SPINT4: variants seen among roughly 807,000 people sequenced by gnomAD.
The protein encoded by SPINT4 is kunitz-type protease inhibitor 4.
SPINT4 carries 7 observed loss-of-function variants against 9.4 expected under a neutral mutation model. The ratio of observed to expected loss-of-function variants is 0.74; its 90% CI spans 0.42 to 1.40. SPINT4 has a LOEUF of 1.40. Ranked by LOEUF, SPINT4 falls within the 40% of genes most tolerant of loss-of-function variation. The probability of loss-of-function intolerance (pLI) is 0.01; values close to 1 mark genes in which losing one functional copy is unlikely to be tolerated. For synonymous variants in SPINT4, 36 were observed against 39.9 expected (o/e 0.90, Z 0.37); for missense variants, 105 against 114.4 (o/e 0.92, Z 0.37).
At chr20:45,723,731 A>G in intron 1 of SPINT4, 149 bp from the exon 2 acceptor site, 1 of 658,832 alleles carries the variant, frequency 1.5e-6, no homozygotes, top group South Asian at 2.5e-5. Context: ...AAGCAACTCT[A>G]ACTCCAAGAG....
intron 1 of SPINT4, among the ~76,000 whole-genome samples, chr20:45,723,061 G>A (rs1984839798): frequency 6.6e-6 from 1 of 152,022 alleles, no homozygotes; most frequent in Non-Finnish European, 1.5e-5. Flanking sequence ...ATGTGCCCTT[G>A]GACAAGTCAC....
intron 2 of SPINT4, among the ~76,000 whole-genome samples, chr20:45,724,512 TAAAAA>T (rs58689567): frequency 0.14 from 15,894 of 114,334 alleles, 1,112 homozygotes; most frequent in African/African-American, 0.21. Context: ...AAACTCCATC[TAAAAA>T]AAAAAAAAAA....
Position 45,722,516 on chromosome 20 carries a change from T to C in SPINT4, c.115+34T>C, listed in dbSNP as rs11908541. On this transcript the variant is annotated intron_variant, in intron 1 of 2. Coordinates refer to ENST00000279058, the MANE Select transcript of SPINT4 (RefSeq NM_178455.3). Reference sequence around the variant, plus strand: ...CTAAGGCAGAAAATAAATCCAAAGGTCAATTATGAATGAGAGAGAAGGTAT... The same window carrying C: ...CTAAGGCAGAAAATAAATCCAAAGGCCAATTATGAATGAGAGAGAAGGTAT... The C allele has an allele frequency of 4.3e-4, 637 of 1,465,748 alleles. 2 individuals are homozygous for C. The African/African-American group carries it at 7.9e-3, about 18-fold the overall frequency. The allele number at this position is 1,465,748 out of a possible 1,614,324, so 90.8% of individuals were successfully genotyped here.
chr20:45,724,042 CAAAA>C lies in SPINT4; in HGVS notation c.279_282del (p.Lys94ThrfsTer9). 1 of 1,607,344 alleles carries C rather than the reference CAAAA, an allele frequency of 6.2e-7. No individual in the cohort carries two copies. Among genetic ancestry groups the C allele is most frequent in the East Asian group, 2.2e-5 (1 of 44,596 alleles). ...ATAGAACGTGAAGTAGCCTGTGTTG[CAAAA>C]TACAAACCACCGTAAGGAATCTAAT... On this transcript the variant is annotated frameshift_variant, in exon 2 of 3. Coordinates refer to ENST00000279058, the MANE Select transcript of SPINT4 (RefSeq NM_178455.3). LOFTEE classifies it low-confidence loss of function (END_TRUNC).
intron 2 of SPINT4, among the ~76,000 whole-genome samples, chr20:45,725,046 AT>A (rs1482221312): frequency 7.2e-6 from 1 of 138,516 alleles, no homozygotes; most frequent in Non-Finnish European, 1.5e-5. Flanking sequence ...ATATATCATT[AT>A]TTTTATGTGA....
intron 1 of SPINT4, among the ~76,000 whole-genome samples, chr20:45,723,007 G>GT (rs1477554004): frequency 6.6e-6 from 1 of 151,990 alleles, no homozygotes; most frequent in African/African-American, 2.4e-5. Flanking sequence ...AGTTTATACC[G>GT]TAAGTCAGAC....
At chr20:45,723,482 C>T (rs1490100423) in intron 1 of SPINT4, among the ~76,000 whole-genome samples, 1 of 151,930 alleles carries the variant, frequency 6.6e-6, no homozygotes, top group African/African-American at 2.4e-5. Context: ...GGAGGAGGCA[C>T]TCTGAATTGC....
At chr20:45,723,644 TCTC>T (rs941426902) in intron 1 of SPINT4, among the ~76,000 whole-genome samples, 8 of 152,128 alleles carry the variant, frequency 5.3e-5, no homozygotes, top group African/African-American at 1.4e-4. Context: ...GATCACTACT[TCTC>T]CTTCTCCAAT....
chr20:45,722,592 A>G, intron 1 of SPINT4, 110 bp downstream of exon 1: 1 of 769,878 alleles, frequency 1.3e-6, no homozygotes, highest in South Asian at 1.5e-5. Flanking sequence ...TCCTTTCATG[A>G]CAATACCCAT....
rs772086277 is a variant in SPINT4, at chr20:45,722,476, C to G, written c.109C>G (p.Leu37Val). The change falls in exon 1 of 3, where the codon CTC (leucine) becomes GTC (valine). Residue 37 changes from leucine (L) to valine (V), a missense_variant. Leu to Val is a conservative substitution (Grantham distance 32). Coordinates refer to ENST00000279058, the MANE Select transcript of SPINT4 (RefSeq NM_178455.3). ...NKIAEKICGD[L>V]KDPCKLDMNF... ...AATTGCGGAGAAGATATGTGGAGAC[C>G]TCAAAGGTATGAAGCTAAGGCAGAA... The G allele has an allele frequency of 3.7e-6, 6 of 1,602,354 alleles. No individual in the cohort carries two copies. The highest frequency in any genetic ancestry group is 1.7e-5 in the Admixed American group (1 of 59,986).
Position 45,724,064 on chromosome 20 carries a change from A to C in SPINT4, c.293+7A>C. On this transcript the variant is annotated splice_region_variant and intron_variant, in intron 2 of 2. Transcript: ENST00000279058. Reference sequence around the variant, plus strand: ...TTGCAAAATACAAACCACCGTAAGGAATCTAATCCTGTCCTTGGTCCTTGG... The same window carrying C: ...TTGCAAAATACAAACCACCGTAAGGCATCTAATCCTGTCCTTGGTCCTTGG... The C allele has an allele frequency of 1.9e-6, 3 of 1,599,172 alleles. No homozygotes were observed. In the South Asian group the frequency reaches 3.4e-5, roughly 18 times the overall value.
intron 2 of SPINT4, 105 bp downstream of exon 2, chr20:45,724,162 G>A: frequency 8.2e-7 from 1 of 1,213,962 alleles, no homozygotes; most frequent in Non-Finnish European, 1.1e-6. Flanking sequence ...GCTTGGAGTG[G>A]GAAGAGGGAG....
Position 45,725,520 on chromosome 20 carries a change from A to C in SPINT4, c.294-109A>C, listed in dbSNP as rs970947210. 4.6e-6 allele frequency: 5 copies of C among 1,081,804 alleles called. 1 individual carries two copies. In the African/African-American group the frequency reaches 7.8e-5, roughly 17 times the overall value. The allele number at this position is 1,081,804 out of a possible 1,614,324, so 67.0% of individuals were successfully genotyped here. ...AAAATAAGGGAAACATTGAGATAGA[A>C]GGCATCCTCTGTGCTTTCCCTAGGA... On this transcript the variant is annotated intron_variant, in intron 2 of 2. Transcript: ENST00000279058.
chr20:45,724,385 G>A (rs1269402304), intron 2 of SPINT4, among the ~76,000 whole-genome samples: 2 of 151,572 alleles, frequency 1.3e-5, no homozygotes, highest in Non-Finnish European at 2.9e-5. Flanking sequence ...CTACTCGGGA[G>A]GCTGAGGCAG....
At chr20:45,722,588 C>A in intron 1 of SPINT4, 106 bp downstream of exon 1, 2 of 783,844 alleles carry the variant, frequency 2.6e-6, no homozygotes, top group Non-Finnish European at 4.4e-6. Context: ...GTCTTCCTTT[C>A]ATGACAATAC....
intron 1 of SPINT4, 111 bp from the exon 2 acceptor site, chr20:45,723,769 T>C: frequency 6.9e-6 from 6 of 866,272 alleles, no homozygotes; most frequent in Non-Finnish European, 1.0e-5. Context: ...AGTCCTTGAA[T>C]ATGAGAATAG....
In SPINT4 at chr20:45,725,639, G is replaced by A. The variant is rs1978365852; in HGVS notation, c.*4G>A. 6.2e-7 allele frequency: 1 copy of A among 1,613,796 alleles called. No homozygotes were observed. The highest frequency in any genetic ancestry group is 1.6e-4 in the Middle Eastern group (1 of 6,062). ...CCTTTGCTTAAACAGGAGGTGAGAG[G>A]ATGTGAACTCATGAAGTTGTCTGCT... On this transcript the variant is annotated 3_prime_UTR_variant, in exon 3 of 3. Coordinates refer to ENST00000279058, the MANE Select transcript of SPINT4 (RefSeq NM_178455.3).
chr20:45,725,490 T>G, intron 2 of SPINT4, 139 bp from the exon 3 acceptor site: 1 of 859,832 alleles, frequency 1.2e-6, no homozygotes, highest in East Asian at 2.4e-5. Context: ...GAAAGATTAA[T>G]CAATAAAATA....
chr20:45,725,546 TA>T, intron 2 of SPINT4, 82 bp from the exon 3 acceptor site: 1 of 1,481,542 alleles, frequency 6.7e-7, no homozygotes, highest in Non-Finnish European at 9.4e-7. Flanking sequence ...TTCCCTAGGA[TA>T]AAAAATGACC....
Sources: allele counts gnomAD v4.1 joint callset (sites outside exome capture counted in the v4.1 genomes callset), GRCh38; gene constraint gnomAD v4.1.1; transcripts MANE v1.5; gene names NCBI Gene and HGNC (gene_info 2026-07-23, HGNC 2026-07-21).